Variants in PDE7B observed in about 807,000 individuals in gnomAD.
PDE7B encodes phosphodiesterase 7B.
A neutral mutation model predicts 56.2 loss-of-function variants in PDE7B; 29 were observed. The observed-to-expected ratio is 0.52, with a 90% CI of 0.38 to 0.70. The LOEUF is 0.70. PDE7B is among the 30% of genes least tolerant of loss of function. The pLI, the probability that PDE7B is intolerant of heterozygous loss-of-function variation, is 0.00. For synonymous variants in PDE7B, 197 were observed against 196.9 expected (o/e 1.00, Z 0.00); for missense variants, 490 against 565.0 (o/e 0.87, Z 1.35).
At chr6:136,057,136 T>C (rs2128212067) in intron 2 of PDE7B, among the ~76,000 whole-genome samples, 1 of 152,364 alleles carries the variant, frequency 6.6e-6, no homozygotes, top group East Asian at 1.9e-4. Flanking sequence ...ACACTGCTGG[T>C]ACATAATAAG....
chr6:136,005,635 C>G (rs143118778), intron 2 of PDE7B, among the ~76,000 whole-genome samples: 2,357 of 152,244 alleles, frequency 0.015, 29 homozygotes, highest in Non-Finnish European at 0.026. Flanking sequence ...CAGAGAAATG[C>G]AAATCAAAAC....
At chr6:135,901,945 G>C (rs989887801) in intron 1 of PDE7B, among the ~76,000 whole-genome samples, 13 of 152,110 alleles carry the variant, frequency 8.5e-5, no homozygotes, top group Admixed American at 7.9e-4. Flanking sequence ...CTGACCTTGG[G>C]AGTGTTCCTG....
At chr6:135,951,682 T>A (rs1774701653) in intron 2 of PDE7B, among the ~76,000 whole-genome samples, 1 of 152,176 alleles carries the variant, frequency 6.6e-6, no homozygotes, top group Non-Finnish European at 1.5e-5. Flanking sequence ...TTTTAATTTA[T>A]GATATTTTGT....
At chr6:135,969,010 A>G (rs918539737) in intron 2 of PDE7B, among the ~76,000 whole-genome samples, 4 of 152,178 alleles carry the variant, frequency 2.6e-5, no homozygotes, top group African/African-American at 9.7e-5. Flanking sequence ...GCTGGGAGCC[A>G]TTATACCCAG....
At chr6:135,876,823 C>A (rs532697357) in intron 1 of PDE7B, among the ~76,000 whole-genome samples, 2 of 151,830 alleles carry the variant, frequency 1.3e-5, no homozygotes, top group Admixed American at 6.6e-5. Context: ...TGCGCCACTG[C>A]GCTCCAGCCT....
chr6:136,080,419 G>A (rs1232984323), intron 2 of PDE7B, among the ~76,000 whole-genome samples: 1 of 152,102 alleles, frequency 6.6e-6, no homozygotes, highest in East Asian at 1.9e-4. Context: ...GCCCTTCAGA[G>A]GTTTCCTTTC....
At chr6:135,963,179 C>A (rs1327559132) in intron 2 of PDE7B, among the ~76,000 whole-genome samples, 1 of 152,212 alleles carries the variant, frequency 6.6e-6, no homozygotes, top group African/African-American at 2.4e-5. Flanking sequence ...CAGCCTGCCT[C>A]TGCCTCAGAG....
intron 2 of PDE7B, among the ~76,000 whole-genome samples, chr6:136,075,577 A>G (rs964778909): frequency 5.3e-5 from 8 of 152,286 alleles, no homozygotes; most frequent in Middle Eastern, 3.4e-3. Flanking sequence ...GCACTGCTTT[A>G]TCATTTAAAA....
intron 3 of PDE7B, among the ~76,000 whole-genome samples, chr6:136,121,226 T>C (rs1286774836): frequency 6.6e-6 from 1 of 152,208 alleles, no homozygotes; most frequent in Non-Finnish European, 1.5e-5. Context: ...CTTGCTTTCC[T>C]GTGATTCTGG....
At chr6:136,112,025 G>A (rs1777757683) in intron 3 of PDE7B, among the ~76,000 whole-genome samples, 1 of 152,080 alleles carries the variant, frequency 6.6e-6, no homozygotes, top group Non-Finnish European at 1.5e-5. Context: ...CAAAATGTTA[G>A]TGAAACCCAC....
chr6:136,131,028 G>A (rs1311632435), intron 3 of PDE7B, among the ~76,000 whole-genome samples: 1 of 152,150 alleles, frequency 6.6e-6, no homozygotes, highest in Middle Eastern at 3.2e-3. Flanking sequence ...GATGAGATTT[G>A]GGTGAGGACA....
At chr6:136,055,742 A>T (rs1397972015) in intron 2 of PDE7B, among the ~76,000 whole-genome samples, 2 of 152,236 alleles carry the variant, frequency 1.3e-5, no homozygotes, top group East Asian at 3.8e-4. Context: ...CTAGATCTGC[A>T]GTCCAGACAT....
intron 2 of PDE7B, among the ~76,000 whole-genome samples, chr6:136,043,238 C>A (rs1776442185): frequency 6.6e-6 from 1 of 152,112 alleles, no homozygotes; most frequent in Non-Finnish European, 1.5e-5. Context: ...AATGTGAATG[C>A]AAATTGAGTC....
intron 2 of PDE7B, among the ~76,000 whole-genome samples, chr6:136,053,891 CT>C (rs1409529661): frequency 6.6e-6 from 1 of 152,286 alleles, no homozygotes; most frequent in Admixed American, 6.5e-5. Context: ...CCTTTGCCCA[CT>C]TTTTGATGGC....
At chr6:136,049,808 C>A (rs866346549) in intron 2 of PDE7B, among the ~76,000 whole-genome samples, 3 of 152,066 alleles carry the variant, frequency 2.0e-5, no homozygotes, top group Non-Finnish European at 2.9e-5. Context: ...ATTAGTGGGA[C>A]GAGACTGCAT....
chr6:136,155,803 C>T, intron 8 of PDE7B, 45 bp downstream of exon 8: 1 of 1,602,444 alleles, frequency 6.2e-7, no homozygotes, highest in Non-Finnish European at 8.5e-7. Context: ...GGTCAATCGC[C>T]TTAGGCCCGG....
chr6:135,899,163 A>G (rs947709076), intron 1 of PDE7B, among the ~76,000 whole-genome samples: 10 of 152,098 alleles, frequency 6.6e-5, no homozygotes, highest in African/African-American at 2.4e-4. Flanking sequence ...CTCCCCAGCT[A>G]TGTGGAACTG....
intron 2 of PDE7B, among the ~76,000 whole-genome samples, chr6:135,993,860 C>T (rs1775515287): frequency 6.6e-6 from 1 of 152,102 alleles, no homozygotes; most frequent in African/African-American, 2.4e-5. Context: ...GCTTTCTTTC[C>T]TTCACCAGTC....
intron 2 of PDE7B, among the ~76,000 whole-genome samples, chr6:136,073,926 C>T (rs181672559): frequency 2.6e-4 from 39 of 152,208 alleles, no homozygotes; most frequent in Admixed American, 2.4e-3. Flanking sequence ...ATATCTGAAG[C>T]AAATAAAAAA....
Sources: allele counts gnomAD v4.1 joint callset (sites outside exome capture counted in the v4.1 genomes callset), GRCh38; gene constraint gnomAD v4.1.1; transcripts MANE v1.5; gene names NCBI Gene and HGNC (gene_info 2026-07-23, HGNC 2026-07-21).